The following ANKFY1 variants were observed in gnomAD, a reference collection of about 807,000 sequenced individuals.
ANKFY1 encodes ankyrin repeat and FYVE domain containing 1, also known as ankyrin repeat and FYVE domain-containing protein 1.
Under a neutral mutation model 128.3 loss-of-function variants are expected in ANKFY1, and 47 were observed. The observed-to-expected ratio is 0.37, with a 90% CI of 0.29 to 0.47. ANKFY1 has a LOEUF of 0.47. Ranked by LOEUF, ANKFY1 falls within the 20% of genes least tolerant of loss-of-function variation. The pLI, the probability that ANKFY1 is intolerant of heterozygous loss-of-function variation, is 1.00. For synonymous variants in ANKFY1, 553 were observed against 601.6 expected, an observed-to-expected ratio of 0.92 and a Z score of 1.18; for missense variants, 1,222 against 1,510.6, an observed-to-expected ratio of 0.81 and a Z score of 3.17.
chr17:4,260,908 G>A (rs1968382386), intron 1 of ANKFY1, among the ~76,000 whole-genome samples: 1 of 152,132 alleles, frequency 6.6e-6, no homozygotes, highest in Non-Finnish European at 1.5e-5. Flanking sequence ...CCCATAGTGT[G>A]TTTACAGATC....
intron 4 of ANKFY1, among the ~76,000 whole-genome samples, chr17:4,215,704 A>T (rs1192835434): frequency 1.3e-5 from 2 of 152,200 alleles, no homozygotes; most frequent in Non-Finnish European, 2.9e-5. Flanking sequence ...CAAACAACAA[A>T]CAGTTTAATT....
intron 8 of ANKFY1, among the ~76,000 whole-genome samples, chr17:4,197,101 AGAGT>A (rs2059839530): frequency 6.6e-6 from 1 of 152,228 alleles, no homozygotes; most frequent in Non-Finnish European, 1.5e-5. Flanking sequence ...CCTGGGTGAC[AGAGT>A]GAGATGCTGA....
chr17:4,200,993 T>A (rs1567937517), intron 7 of ANKFY1, among the ~76,000 whole-genome samples: 1 of 152,178 alleles, frequency 6.6e-6, no homozygotes, highest in Non-Finnish European at 1.5e-5. Flanking sequence ...TTCATCTGGT[T>A]CTCAGTAGGT....
At chr17:4,184,704 G>T in intron 12 of ANKFY1, 114 bp downstream of exon 12, 1 of 1,166,262 alleles carries the variant, frequency 8.6e-7, no homozygotes, top group Non-Finnish European at 1.2e-6. Context: ...TTTTTTGGGG[G>T]TAAGAAACTA....
intron 3 of ANKFY1, among the ~76,000 whole-genome samples, chr17:4,221,750 T>G (rs970169724): frequency 3.3e-5 from 5 of 152,120 alleles, no homozygotes; most frequent in Non-Finnish European, 7.4e-5. Context: ...CCCAAGTAGC[T>G]GAGACTACAG....
intron 12 of ANKFY1, 39 bp from the exon 13 acceptor site, chr17:4,183,949 C>T (rs1844630441): frequency 6.5e-7 from 1 of 1,539,790 alleles, no homozygotes. Context: ...TTGATGTCAC[C>T]ATCTGTGGAT....
intron 10 of ANKFY1, chr17:4,191,136 A>AAAAC (rs372564438): frequency 9.8e-4 from 149 of 152,420 alleles, no homozygotes; most frequent in African/African-American, 3.4e-3. Context: ...AAACTGTCTC[A>AAAAC]AAACAAACAA....
intron 3 of ANKFY1, among the ~76,000 whole-genome samples, chr17:4,226,331 G>A (rs1317788078): frequency 5.3e-5 from 8 of 152,138 alleles, no homozygotes; most frequent in Admixed American, 5.2e-4. Context: ...AGACCAGCCA[G>A]GGCAACACAG....
intron 3 of ANKFY1, among the ~76,000 whole-genome samples, chr17:4,218,285 A>C (rs1432108828): frequency 6.6e-6 from 1 of 152,258 alleles, no homozygotes; most frequent in African/African-American, 2.4e-5. Flanking sequence ...AATATTATTA[A>C]TGAAGAACTA....
intron 20 of ANKFY1, 91 bp downstream of exon 20, chr17:4,173,818 C>T: frequency 2.0e-6 from 3 of 1,500,256 alleles, no homozygotes; most frequent in Non-Finnish European, 2.7e-6. Flanking sequence ...AAGCCAACCT[C>T]CCCAGTGGGG....
chr17:4,187,814 C>T (rs2059639292), intron 11 of ANKFY1: 1 of 152,318 alleles, frequency 6.6e-6, no homozygotes, highest in African/African-American at 2.4e-5. Flanking sequence ...ATTACAGGCA[C>T]TGGCCACCTC....
At chr17:4,250,823 CAG>C (rs1425255517) in intron 1 of ANKFY1, among the ~76,000 whole-genome samples, 1 of 152,122 alleles carries the variant, frequency 6.6e-6, no homozygotes, top group Non-Finnish European at 1.5e-5. Context: ...TTTGTAGAGA[CAG>C]GGTCTCAGTA....
Position 4,228,561 on chromosome 17 carries a change from A to G in ANKFY1, c.322+7211T>C, listed in dbSNP as rs572441111. Among the ~76,000 whole-genome samples the G allele has an allele frequency of 3.9e-5, 6 of 152,144 alleles. No individual in the cohort carries two copies. The South Asian group carries it at 1.2e-3, about 32-fold the overall frequency. On this transcript the variant is annotated intron_variant, in intron 3 of 24. Transcript: ENST00000341657. ...CTCCCAAGTAGCTGAGATTATAGGC[A>G]TGTGCCACCATGCTCGGCTAATTTT...
intron 21 of ANKFY1, among the ~76,000 whole-genome samples, chr17:4,173,137 C>T (rs1046245144): frequency 6.6e-6 from 1 of 152,222 alleles, no homozygotes; most frequent in Non-Finnish European, 1.5e-5. Flanking sequence ...ATTACAGGCG[C>T]GAGCCACTGC....
rs779357105 is a variant in ANKFY1, at chr17:4,177,201, T to C, written c.2700A>G (p.Arg900=). 1 of 1,609,612 alleles carries C rather than the reference T, an allele frequency of 6.2e-7. No homozygotes were observed. The highest frequency in any genetic ancestry group is 1.1e-5 in the South Asian group (1 of 89,640). ...LISVHANVNS[R]VQDASKLTPL... The stretch of plus-strand genomic sequence containing the variant: ...GGGTCAACTTGGAGGCATCCTGGAC[T>C]CTTGAATTCACATTAGCGTGGACAC... Residue 900 remains arginine, a synonymous_variant, in exon 19 of 25, where the codon AGA becomes AGG. Transcript: ENST00000341657.
At chr17:4,171,342 C>T (rs1369186572) in intron 22 of ANKFY1, among the ~76,000 whole-genome samples, 1 of 152,214 alleles carries the variant, frequency 6.6e-6, no homozygotes, top group Non-Finnish European at 1.5e-5. Flanking sequence ...AAAGTTCTTC[C>T]ACCCCGTGGA....
At chr17:4,224,667 T>C (rs1484513151) in intron 3 of ANKFY1, among the ~76,000 whole-genome samples, 4 of 151,526 alleles carry the variant, frequency 2.6e-5, no homozygotes, top group Non-Finnish European at 5.9e-5. Flanking sequence ...ACTGTTTGTT[T>C]GTTTTTTTTT....
intron 7 of ANKFY1, among the ~76,000 whole-genome samples, chr17:4,197,969 C>T (rs2143011205): frequency 6.6e-6 from 1 of 152,098 alleles, no homozygotes; most frequent in African/African-American, 2.4e-5. Flanking sequence ...GTCTCTACTA[C>T]AAATACAAAA....
chr17:4,205,103 A>G (rs1422564680), intron 7 of ANKFY1, among the ~76,000 whole-genome samples: 1 of 152,238 alleles, frequency 6.6e-6, no homozygotes, highest in Non-Finnish European at 1.5e-5. Context: ...AGACAATAAT[A>G]GTATAACAAT....
Sources: gnomAD v4.1 joint callset for allele counts (sites outside exome capture counted in the v4.1 genomes callset) on GRCh38, gnomAD v4.1.1 for gene constraint, MANE v1.5 for transcripts, NCBI Gene and HGNC (gene_info 2026-07-23, HGNC 2026-07-21) for gene names.